DLGAP4: variants seen among roughly 807,000 people sequenced by gnomAD.
The protein encoded by DLGAP4 is disks large-associated protein 4.
A neutral mutation model predicts 86.9 loss-of-function variants in DLGAP4; 18 were observed. The ratio of observed to expected loss-of-function variants is 0.21; its 90% confidence interval spans 0.14 to 0.31. The LOEUF (loss-of-function observed/expected upper bound fraction) is 0.31. DLGAP4 is among the 10% of genes least tolerant of loss of function. DLGAP4 has a pLI of 1.00. For missense variants in DLGAP4, 1,085 were observed against 1,362.6 expected (o/e 0.80, Z 3.21); for synonymous variants, 548 against 574.3 (o/e 0.95, Z 0.65).
At chr20:36,340,247 ACCCT>A (rs1184777542) in intron 1 of DLGAP4, among the ~76,000 whole-genome samples, 4 of 151,708 alleles carry the variant, frequency 2.6e-5, no homozygotes, top group Non-Finnish European at 5.9e-5. Context: ...GCCCCTGCAC[ACCCT>A]CCGTTTCTCG....
intron 1 of DLGAP4, among the ~76,000 whole-genome samples, chr20:36,332,067 G>C (rs1408945790): frequency 6.6e-6 from 1 of 152,206 alleles, no homozygotes; most frequent in Non-Finnish European, 1.5e-5. Context: ...AGTCAAGCCA[G>C]AGACCTTGGA....
chr20:36,500,056 G>A lies in DLGAP4; in HGVS notation c.2100-143G>A. The A allele has an allele frequency of 1.0e-6, 1 of 989,672 alleles. No homozygotes were observed. The highest frequency in any genetic ancestry group is 2.6e-5 in the East Asian group (1 of 37,890). 61.3% of individuals were successfully genotyped at this position (989,672 alleles called of 1,614,324 possible). The stretch of plus-strand genomic sequence containing the variant: ...AGCCAAGAATGAGATGGGGGCTGTG[G>A]GACCCGCTTCAGGCGCATGGTGAGC... On this transcript the variant is annotated intron_variant, in intron 9 of 12. Transcript: ENST00000339266. The surrounding 1 kb of genome is among the most constrained non-coding windows in gnomAD (Gnocchi z 4.6).
intron 1 of DLGAP4, among the ~76,000 whole-genome samples, chr20:36,359,875 T>A (rs1555894083): frequency 6.6e-6 from 1 of 152,152 alleles, no homozygotes; most frequent in Non-Finnish European, 1.5e-5. Flanking sequence ...GGGGCTGATC[T>A]GGAGCAGTGG....
chr20:36,354,530 C>T (rs1555893684), intron 1 of DLGAP4, among the ~76,000 whole-genome samples: 1 of 152,190 alleles, frequency 6.6e-6, no homozygotes, highest in African/African-American at 2.4e-5. Flanking sequence ...CATAGGTCTT[C>T]TCTTGCCACT....
intron 2 of DLGAP4, among the ~76,000 whole-genome samples, chr20:36,403,756 T>C (rs2032232435): frequency 6.6e-6 from 1 of 152,212 alleles, no homozygotes; most frequent in African/African-American, 2.4e-5. Flanking sequence ...CTTAGCTAGG[T>C]GGTCTTGGCT....
chr20:36,385,721 T>C lies in DLGAP4; in HGVS notation c.-73+18446T>C, dbSNP rs115661776. 4.9e-3 allele frequency among the ~76,000 whole-genome samples: 749 copies of C among 152,344 alleles called. 9 individuals carry two copies. The highest frequency in any genetic ancestry group is 0.017 in the African/African-American group (727 of 41,580). On this transcript the variant is annotated intron_variant, in intron 2 of 12. Coordinates refer to ENST00000339266, the MANE Select transcript of DLGAP4 (RefSeq NM_001365621.2). ...AGCTGCATACGCCTCATGGGGCTGC[T>C]GTCATGCCTAATTAGGCTGTCCTCA...
chr20:36,311,060 C>T (rs2065048902), intron 1 of DLGAP4, among the ~76,000 whole-genome samples: 1 of 152,260 alleles, frequency 6.6e-6, no homozygotes, highest in East Asian at 1.9e-4. Context: ...AGGACTGAAG[C>T]CTTTAGGGGT....
chr20:36,454,730 A>T (rs1167856453), intron 7 of DLGAP4, among the ~76,000 whole-genome samples: 1 of 152,190 alleles, frequency 6.6e-6, no homozygotes, highest in African/African-American at 2.4e-5. Flanking sequence ...GCATCTGTGC[A>T]CTCAGGTCCT....
chr20:36,340,326 C>T (rs562094024), intron 1 of DLGAP4, among the ~76,000 whole-genome samples: 42 of 152,224 alleles, frequency 2.8e-4, no homozygotes, highest in Admixed American at 2.0e-3. Context: ...ATGCCCATGC[C>T]GCACCCACAC....
intron 7 of DLGAP4, among the ~76,000 whole-genome samples, chr20:36,493,937 A>G (rs548827347): frequency 3.3e-5 from 5 of 152,328 alleles, no homozygotes; most frequent in Non-Finnish European, 7.4e-5. Context: ...GGCCAGCTGA[A>G]CGCAGTTGCT....
intron 10 of DLGAP4, among the ~76,000 whole-genome samples, chr20:36,514,703 C>T (rs935336232): frequency 2.6e-5 from 4 of 152,088 alleles, no homozygotes; most frequent in African/African-American, 7.2e-5. Context: ...CATGAGCCAC[C>T]GCGCCTGTCC....
chr20:36,432,621 G>T lies in DLGAP4; in HGVS notation c.904G>T (p.Ala302Ser). ...CTGGTCCACTCTGACCCTCAGCCACGCCCACGAGGTCTGCCAGAAGACCTC... is the reference window on the plus strand; with the variant it reads ...CTGGTCCACTCTGACCCTCAGCCACTCCCACGAGGTCTGCCAGAAGACCTC... ...GSWSTLTLSH[A>S]HEVCQKTSAT... The change falls in exon 3 of 13, where the codon GCC (alanine) becomes TCC (serine). Residue 302 changes from alanine (A) to serine (S), a missense_variant. Ala to Ser is a moderately conservative substitution (Grantham distance 99). Transcript: ENST00000339266. This position sits in a 1 kb window ranked among gnomAD's most constrained non-coding sequence, Gnocchi z 6.5. 6.2e-7 allele frequency: 1 copy of T among 1,607,916 alleles called. No homozygotes were observed. Among genetic ancestry groups the T allele is most frequent in the Non-Finnish European group, 8.5e-7 (1 of 1,177,210 alleles).
chr20:36,461,751 G>GGCCCCCCCCC, intron 7 of DLGAP4: 6 of 618,774 alleles, frequency 9.7e-6, no homozygotes, highest in Non-Finnish European at 1.1e-5. Context: ...CCGTCCGTCC[G>GGCCCCCCCCC]CCCGCCCGCC....
At chr20:36,410,442 T>C (rs1008294089) in intron 2 of DLGAP4, among the ~76,000 whole-genome samples, 12 of 152,180 alleles carry the variant, frequency 7.9e-5, no homozygotes, top group African/African-American at 2.7e-4. Context: ...AGTGTAGATG[T>C]GATAATCCAA....
chr20:36,470,641 C>T (rs138027539), intron 7 of DLGAP4, among the ~76,000 whole-genome samples: 7 of 151,612 alleles, frequency 4.6e-5, no homozygotes, highest in East Asian at 1.9e-4. Flanking sequence ...ATCACTGTGA[C>T]GAGTCTTGAG....
chr20:36,504,433 T>G (rs1009584991), intron 10 of DLGAP4, among the ~76,000 whole-genome samples: 1 of 152,206 alleles, frequency 6.6e-6, no homozygotes, highest in African/African-American at 2.4e-5. Flanking sequence ...GGCACTTGGG[T>G]TGTTTCCACC....
At chr20:36,425,552 G>A (rs1235442462) in intron 2 of DLGAP4, among the ~76,000 whole-genome samples, 4 of 117,240 alleles carry the variant, frequency 3.4e-5, no homozygotes, top group East Asian at 2.4e-4. Context: ...GGGGCTGGGC[G>A]TGGTGGCTCG....
chr20:36,409,569 G>A (rs2032429368), intron 2 of DLGAP4, among the ~76,000 whole-genome samples: 1 of 151,452 alleles, frequency 6.6e-6, no homozygotes. Flanking sequence ...ACAAAAATTA[G>A]CCAGGCATGG....
intron 2 of DLGAP4, among the ~76,000 whole-genome samples, chr20:36,383,960 G>T (rs1854512588): frequency 6.6e-6 from 1 of 150,678 alleles, no homozygotes; most frequent in Non-Finnish European, 1.5e-5. Context: ...CTCCGGCCTG[G>T]GTGAAAGAGC....
Sources: allele counts gnomAD v4.1 joint callset (sites outside exome capture counted in the v4.1 genomes callset), GRCh38; gene constraint gnomAD v4.1.1; non-coding constraint Gnocchi (gnomAD v3.1); transcripts MANE v1.5; gene names NCBI Gene and HGNC (gene_info 2026-07-23, HGNC 2026-07-21).